The following EVI5L variants were observed in gnomAD, a reference collection of about 807,000 sequenced individuals.
EVI5L encodes ecotropic viral integration site 5 like, also known as EVI5-like protein.
In EVI5L, 30 loss-of-function variants were observed where a neutral mutation model predicts 106.1. The observed-to-expected ratio is 0.28, with a 90% CI of 0.21 to 0.38. EVI5L has a LOEUF of 0.38. EVI5L is among the 10% of genes least tolerant of loss of function. The pLI is 1.00. For synonymous variants in EVI5L, 489 were observed against 483.3 expected (o/e 1.01, Z -0.15); for missense variants, 809 against 1,098.0 (o/e 0.74, Z 3.72).
intron 2 of EVI5L, 109 bp from the exon 3 acceptor site, chr19:7,847,622 AT>A (rs1322471138): frequency 1.8e-6 from 2 of 1,104,304 alleles, no homozygotes. Flanking sequence ...GAGGGACCTA[AT>A]CCCTGGTGTC....
intron 1 of EVI5L, among the ~76,000 whole-genome samples, chr19:7,843,271 G>C (rs889613736): frequency 1.4e-5 from 2 of 140,382 alleles, no homozygotes; most frequent in African/African-American, 5.3e-5. Context: ...TGTGAGAATA[G>C]GCATGGGTGT....
rs1979954828 is a variant in EVI5L at position 7,863,443 on chromosome 19, C to G, written c.2159C>G (p.Pro720Arg). 6.5e-7 allele frequency: 1 copy of G among 1,549,776 alleles called. No homozygotes were observed. Among genetic ancestry groups the G allele is most frequent in the East Asian group, 2.4e-5 (1 of 41,072 alleles). Residue 720 changes from proline (P) to arginine (R), a missense_variant, in exon 20 of 20, where the codon CCG (proline) becomes CGG (arginine). Pro to Arg is a moderately radical substitution (Grantham distance 103). Coordinates refer to ENST00000538904, the MANE Select transcript of EVI5L (RefSeq NM_001159944.3). The surrounding 1 kb of genome is among the most constrained non-coding windows in gnomAD (Gnocchi z 7.7). ...LKAEVRLLKG[P>R]PPFEDPLAFD... is the part of the protein sequence containing the mutation. ...CCCCAGGTGCGGCTGCTGAAGGGCCCGCCGCCCTTCGAGGACCCGCTGGCT... is the reference window on the plus strand; with the variant it reads ...CCCCAGGTGCGGCTGCTGAAGGGCCGGCCGCCCTTCGAGGACCCGCTGGCT...
At chr19:7,852,973 C>A in intron 8 of EVI5L, 113 bp from the exon 9 acceptor site, 2 of 966,544 alleles carry the variant, frequency 2.1e-6, no homozygotes, top group Non-Finnish European at 3.2e-6. Context: ...GAGGACATGG[C>A]GACACCCCGG....
rs192577556 is a variant in EVI5L at position 7,835,712 on chromosome 19, G to C, written c.-48+5331G>C. ...ATCAGGCAGGGACCTCTGAATTCAA[G>C]CCGCTGTTCTTGTTATCCAAGGGGC... is the stretch of plus-strand genomic sequence containing the variant. On this transcript the variant is annotated intron_variant, in intron 1 of 19. Coordinates refer to ENST00000538904, the MANE Select transcript of EVI5L (RefSeq NM_001159944.3). The surrounding 1 kb of genome is among the most constrained non-coding windows in gnomAD (Gnocchi z 4.1). 6.6e-6 allele frequency among the ~76,000 whole-genome samples: 1 copy of C among 152,154 alleles called. No homozygotes were observed. The highest frequency in any genetic ancestry group is 2.4e-5 in the African/African-American group (1 of 41,430).
intron 1 of EVI5L, among the ~76,000 whole-genome samples, chr19:7,836,710 C>G (rs1978356935): frequency 6.6e-6 from 1 of 151,926 alleles, no homozygotes; most frequent in African/African-American, 2.4e-5. Flanking sequence ...GTAATTTCAG[C>G]TCACCGCAAC....
At position 7,863,462 on chromosome 19, in the gene EVI5L, G is replaced by T; in HGVS notation, c.2178G>T (p.Pro726=). The T allele has an allele frequency of 1.3e-6, 2 of 1,561,880 alleles. No homozygotes were observed. The highest frequency in any genetic ancestry group is 1.7e-6 in the Non-Finnish European group (2 of 1,154,724). Residue 726 remains proline, a synonymous_variant, in exon 20 of 20, where the codon CCG becomes CCT. Transcript: ENST00000538904. This position sits in a 1 kb window ranked among gnomAD's most constrained non-coding sequence, Gnocchi z 7.7. ...AGGGCCCGCCGCCCTTCGAGGACCC[G>T]CTGGCTTTCGATGGGCTGAGCCTGG... is the stretch of plus-strand genomic sequence containing the variant. ...LLKGPPPFED[P]LAFDGLSLAR...
At position 7,860,615 on chromosome 19, in the gene EVI5L, C is replaced by T; in HGVS notation, c.1429C>T (p.Gln477Ter). Reference protein sequence around the residue: ...FVSHLETELEQSRLRETETLG... With the variant: ...FVSHLETELE Reference sequence around the variant, plus strand: ...GTCCCACCTGGAGACCGAGCTGGAGCAGTCGAGGCTGCGGGAGACGGAGAC... The same window carrying T: ...GTCCCACCTGGAGACCGAGCTGGAGTAGTCGAGGCTGCGGGAGACGGAGAC... Residue 477 changes from glutamine to a stop codon, truncating the protein, a stop_gained, in exon 14 of 20, where the codon CAG (glutamine) becomes TAG (stop). Coordinates refer to ENST00000538904, the MANE Select transcript of EVI5L (RefSeq NM_001159944.3). LOFTEE classifies it high-confidence loss of function. 1 of 1,601,320 alleles carries T rather than the reference C, an allele frequency of 6.2e-7. No homozygotes were observed. Among genetic ancestry groups the T allele is most frequent in the Non-Finnish European group, 8.5e-7 (1 of 1,174,214 alleles).
At position 7,858,151 on chromosome 19, in the gene EVI5L, G is replaced by A. The variant is rs928101072; in HGVS notation, c.1234-40G>A. On this transcript the variant is annotated intron_variant, in intron 12 of 19. Transcript: ENST00000538904. The surrounding 1 kb of genome is among the most constrained non-coding windows in gnomAD (Gnocchi z 5.7). ...GCAGGGCCTTGGGTGGGAGCCGAGGGTCACGGCCTCCCCCTGCCCCCTGTC... is the reference window on the plus strand; with the variant it reads ...GCAGGGCCTTGGGTGGGAGCCGAGGATCACGGCCTCCCCCTGCCCCCTGTC... 5.2e-6 allele frequency: 8 copies of A among 1,540,956 alleles called. No individual in the cohort carries two copies. The highest frequency in any genetic ancestry group is 4.0e-5 in the Admixed American group (2 of 50,564).
chr19:7,840,098 C>T (rs913074500), intron 1 of EVI5L, among the ~76,000 whole-genome samples: 19 of 152,196 alleles, frequency 1.2e-4, no homozygotes, highest in African/African-American at 3.6e-4. Flanking sequence ...TAGATGCACC[C>T]GCAGTAGGAC....
At chr19:7,841,592 C>T (rs967291540) in intron 1 of EVI5L, among the ~76,000 whole-genome samples, 2 of 152,178 alleles carry the variant, frequency 1.3e-5, no homozygotes, top group East Asian at 3.9e-4. Context: ...CTGTAGGTGG[C>T]CCTGTGGAGG....
At chr19:7,862,617 C>G in intron 17 of EVI5L, 83 bp downstream of exon 17, 1 of 1,236,490 alleles carries the variant, frequency 8.1e-7, no homozygotes, top group Non-Finnish European at 1.0e-6. Flanking sequence ...CAATCCGCCT[C>G]TGCCGGCGTC....
chr19:7,859,327 C>T (rs1289164231), intron 13 of EVI5L: 1 of 152,256 alleles, frequency 6.6e-6, no homozygotes, highest in African/African-American at 2.4e-5. Context: ...GGGAGCGACG[C>T]TGTAGGTCCC....
chr19:7,862,228 T>G lies in EVI5L; in HGVS notation c.1751T>G (p.Leu584Arg). 6.4e-7 allele frequency: 1 copy of G among 1,573,002 alleles called. No individual in the cohort carries two copies. The highest frequency in any genetic ancestry group is 2.3e-5 in the East Asian group (1 of 43,072). The change falls in exon 16 of 20, where the codon CTG becomes CGG. Residue 584 changes from leucine to arginine, a missense_variant. By Grantham distance (102) the Leu-to-Arg change is moderately radical. This residue lies in a region of EVI5L where 452 missense variants were observed against 509.9 expected (regional missense o/e 0.89). Coordinates refer to ENST00000538904, the MANE Select transcript of EVI5L (RefSeq NM_001159944.3). ...MSVRLREAQA[L>R]AEGRELRQRV... ...GTGCGTCTGCGCGAGGCCCAGGCCC[T>G]GGCCGAGGGCCGCGAGCTGCGGCAG...
rs1409121421 is a variant in EVI5L at position 7,845,264 on chromosome 19, C to T, written c.-47-1232C>T. On this transcript the variant is annotated intron_variant, in intron 1 of 19. Transcript: ENST00000538904. The surrounding 1 kb of genome is among the most constrained non-coding windows in gnomAD (Gnocchi z 4.0). ...CCTGCCATCAGGACCCTAGGTATCC[C>T]CATCTTCTCAGACGCTGGAGGTGAG... Among the ~76,000 whole-genome samples the T allele has an allele frequency of 2.0e-5, 3 of 152,094 alleles. No homozygotes were observed. The highest frequency in any genetic ancestry group is 7.2e-5 in the African/African-American group (3 of 41,404).
intron 1 of EVI5L, among the ~76,000 whole-genome samples, chr19:7,831,694 C>T (rs1479869297): frequency 6.6e-6 from 1 of 152,252 alleles, no homozygotes; most frequent in Non-Finnish European, 1.5e-5. Flanking sequence ...TGATTTATGC[C>T]ACCCCCTGGC....
intron 1 of EVI5L, among the ~76,000 whole-genome samples, chr19:7,842,565 TTGTG>T (rs897482821): frequency 2.0e-5 from 3 of 149,004 alleles, no homozygotes; most frequent in Non-Finnish European, 4.5e-5. Context: ...TGTGTGTGAA[TTGTG>T]TGTGTGCATG....
chr19:7,849,872 T>C lies in EVI5L; in HGVS notation c.628-125T>C, dbSNP rs1375838579. 4.1e-6 allele frequency: 3 copies of C among 738,330 alleles called. No individual in the cohort carries two copies. The African/African-American group carries it at 5.2e-5, about 13-fold the overall frequency. 45.7% of individuals were successfully genotyped at this position (738,330 alleles called of 1,614,324 possible). On this transcript the variant is annotated intron_variant, in intron 5 of 19. Coordinates refer to ENST00000538904, the MANE Select transcript of EVI5L (RefSeq NM_001159944.3). ...GGACACAGGGACCAACAGTGTGTCA[T>C]GAGAGTCTAGGGAGCCAGGTACCGA...
chr19:7,843,765 T>A (rs1192292544), intron 1 of EVI5L, among the ~76,000 whole-genome samples: 1 of 151,880 alleles, frequency 6.6e-6, no homozygotes, highest in African/African-American at 2.4e-5. Flanking sequence ...GGGGTGGGTG[T>A]GAATGTGTGT....
At chr19:7,843,400 T>TGTGTATAG (rs1978776563) in intron 1 of EVI5L, among the ~76,000 whole-genome samples, 2 of 129,300 alleles carry the variant, frequency 1.5e-5, no homozygotes, top group Non-Finnish European at 3.2e-5. Flanking sequence ...TGCATAGGTG[T>TGTGTATAG]GTGAGTGTGA....
Sources: allele counts gnomAD v4.1 joint callset (sites outside exome capture counted in the v4.1 genomes callset), GRCh38; gene constraint gnomAD v4.1.1; regional missense constraint gnomAD v4.1.1; non-coding constraint Gnocchi (gnomAD v3.1); transcripts MANE v1.5; gene names NCBI Gene and HGNC (gene_info 2026-07-23, HGNC 2026-07-21).